Variants in MIR17HG observed in about 807,000 individuals in gnomAD.
MIR17HG encodes the protein MIR17 host gene (non-protein coding).
At chr13:91,350,231 A>G (rs1875226371) in intron 3 of MIR17HG, 1 of 202,392 alleles carries the variant, frequency 4.9e-6, no homozygotes, top group Non-Finnish European at 1.0e-5. Context: ...TAAAAGGTAC[A>G]CATGGACTAA....
chr13:91,351,347 G>T, intron 3 of MIR17HG: 3 of 531,326 alleles, frequency 5.6e-6, no homozygotes, highest in Non-Finnish European at 1.2e-5. Context: ...TTGCAATGCT[G>T]TGTTTCTGTA....
rs1413556915 is a variant in MIR17HG at position 91,353,053 on chromosome 13, T to A, written n.285-880T>A. On this transcript the variant is annotated intron_variant and non_coding_transcript_variant, in intron 3 of 3. Transcript: ENST00000400282. The stretch of plus-strand genomic sequence containing the variant: ...TGAACCTGGGAGGTGGAGGTTTCAG[T>A]GAGCTGAGATCCTGCCACTGCACTC... 2.2e-5 allele frequency among the ~76,000 whole-genome samples: 3 copies of A among 135,624 alleles called. No individual in the cohort carries two copies. The East Asian group carries it at 6.4e-4, about 29-fold the overall frequency. 89.0% of individuals were successfully genotyped at this position (135,624 alleles called of 152,430 possible). A position where few individuals can be genotyped will look rare whatever the true frequency, so the allele number is the denominator to read the frequency against.
intron 3 of MIR17HG, among the ~76,000 whole-genome samples, chr13:91,352,832 G>A (rs915395901): frequency 1.3e-5 from 2 of 152,124 alleles, no homozygotes; most frequent in Admixed American, 6.5e-5. Flanking sequence ...GTTCCGGCTG[G>A]ACACGGTGGC....
intron 1 of MIR17HG, among the ~76,000 whole-genome samples, chr13:91,348,632 G>A (rs1875093329): frequency 6.6e-6 from 1 of 150,934 alleles, no homozygotes. Flanking sequence ...CCTCGGGGCG[G>A]GGCCCGCAAC....
intron 3 of MIR17HG, among the ~76,000 whole-genome samples, chr13:91,353,672 C>T (rs1875436361): frequency 6.6e-6 from 1 of 152,102 alleles, no homozygotes; most frequent in South Asian, 2.1e-4. Context: ...AACTTTGACC[C>T]TTGTTCTTAA....
chr13:91,352,527 A>G (rs1319361178), intron 3 of MIR17HG: 1 of 152,250 alleles, frequency 6.6e-6, no homozygotes, highest in African/African-American at 2.4e-5. Flanking sequence ...TAAATCTAGA[A>G]ATCAGCTTTT....
exon 4 of MIR17HG, chr13:91,354,547 C>A (rs551332164): frequency 6.6e-6 from 1 of 151,938 alleles, no homozygotes; most frequent in African/African-American, 2.4e-5. Context: ...TTGTCCAGAA[C>A]GAGAATATTG....
chr13:91,348,681 T>G (rs1297659903), intron 1 of MIR17HG, among the ~76,000 whole-genome samples: 2 of 150,516 alleles, frequency 1.3e-5, no homozygotes, highest in African/African-American at 4.9e-5. Context: ...GCAGTCGGCC[T>G]CAGCCGCGGC....
chr13:91,349,051 G>C (rs1223055428), intron 1 of MIR17HG, among the ~76,000 whole-genome samples: 2 of 151,712 alleles, frequency 1.3e-5, no homozygotes, highest in African/African-American at 4.8e-5. Context: ...CGTCCGGCGG[G>C]GCCTGACTCT....
exon 4 of MIR17HG, chr13:91,354,178 T>C (rs1189645454): frequency 6.6e-6 from 1 of 152,190 alleles, no homozygotes; most frequent in Non-Finnish European, 1.5e-5. Flanking sequence ...AGAGCCAGTT[T>C]TTAGTGTTTG....
At position 91,351,233 on chromosome 13, in the gene MIR17HG, G is replaced by T. The variant is rs1300756441; in HGVS notation, n.284+1007G>T. ...GTTTTGCAGGTTTGCATCCAGCTGT[G>T]TGATATTCTGCTGTGCAAATCCATG... is the stretch of plus-strand genomic sequence containing the variant. On this transcript the variant is annotated intron_variant and non_coding_transcript_variant, in intron 3 of 3. Coordinates refer to ENST00000400282, the Ensembl canonical transcript of MIR17HG. 3 of 530,666 alleles carry T rather than the reference G, an allele frequency of 5.7e-6. No individual in the cohort carries two copies. The East Asian group carries it at 1.6e-4, about 29-fold the overall frequency. 32.9% of individuals were successfully genotyped at this position (530,666 alleles called of 1,614,324 possible). A position where few individuals can be genotyped will look rare whatever the true frequency, so the allele number is the denominator to read the frequency against.
chr13:91,348,254 C>T (rs893813554), intron 1 of MIR17HG, among the ~76,000 whole-genome samples: 24 of 149,814 alleles, frequency 1.6e-4, no homozygotes, highest in Non-Finnish European at 3.4e-4. Context: ...CTGGGCCGAC[C>T]CGAAGGCGGG....
At position 91,350,564 on chromosome 13, in the gene MIR17HG, A is replaced by T. The variant is rs370993131; in HGVS notation, n.284+338A>T. 43 of 533,114 alleles carry T rather than the reference A, an allele frequency of 8.1e-5. No homozygotes were observed. The African/African-American group carries it at 8.3e-4, about 10-fold the overall frequency. 33.0% of individuals were successfully genotyped at this position (533,114 alleles called of 1,614,324 possible). A position where few individuals can be genotyped will look rare whatever the true frequency, so the allele number is the denominator to read the frequency against. On this transcript the variant is annotated intron_variant and non_coding_transcript_variant, in intron 3 of 3. Coordinates refer to ENST00000400282, the Ensembl canonical transcript of MIR17HG. ...ATTATCTATTTCAAATTTAGCAGGA[A>T]AAAAGAGAACATCACCTTGTAAAAC...
rs1481291333 is a variant in MIR17HG at position 91,348,644 on chromosome 13, TC to T, written n.140+689del. The stretch of plus-strand genomic sequence containing the variant: ...CAGCCTCGGGGCGGGGCCCGCAACT[TC>T]CCCGCCGTGGCCCTCGGAGGAGGCC... On this transcript the variant is annotated intron_variant and non_coding_transcript_variant, in intron 1 of 3. Transcript: ENST00000400282. 6.0e-5 allele frequency among the ~76,000 whole-genome samples: 9 copies of T among 150,486 alleles called. No individual in the cohort carries two copies. The South Asian group carries it at 1.7e-3, about 28-fold the overall frequency.
intron 3 of MIR17HG, chr13:91,350,303 T>G (rs1178290245): frequency 4.9e-6 from 1 of 203,286 alleles, no homozygotes; most frequent in Non-Finnish European, 1.0e-5. Flanking sequence ...TGTTTTGTTT[T>G]TTTTCTCTAT....
At chr13:91,348,740 GCCAGC>G (rs1201881152) in intron 1 of MIR17HG, among the ~76,000 whole-genome samples, 1 of 150,506 alleles carries the variant, frequency 6.6e-6, no homozygotes, top group Non-Finnish European at 1.5e-5. Context: ...GCGCGGGAGG[GCCAGC>G]CCGGCTCGGC....
At chr13:91,351,869 G>A (rs564362522) in intron 3 of MIR17HG, 2 of 158,028 alleles carry the variant, frequency 1.3e-5, no homozygotes, top group East Asian at 3.5e-4. Context: ...TTTCTATTAA[G>A]CAAGTACCAG....
rs144698577 is a variant in MIR17HG at position 91,349,860 on chromosome 13, G to A, written n.213+90G>A. On this transcript the variant is annotated intron_variant and non_coding_transcript_variant, in intron 2 of 3. Transcript: ENST00000400282. Reference sequence around the variant, plus strand: ...ATAAATAGGATTGGTTTCTTAGAGAGTAAAAGTAGGTGTTTCTTTCTTTAG... The same window carrying A: ...ATAAATAGGATTGGTTTCTTAGAGAATAAAAGTAGGTGTTTCTTTCTTTAG... 4.2e-3 allele frequency: 646 copies of A among 152,294 alleles called. 4 individuals are homozygous for A. The highest frequency in any genetic ancestry group is 0.015 in the African/African-American group (630 of 41,552). The allele number at this position is 152,294 out of a possible 1,614,324, so 9.4% of individuals were successfully genotyped here.
Position 91,352,979 on chromosome 13 carries a change from G to A in MIR17HG, n.285-954G>A, listed in dbSNP as rs570601214. ...TAAAAAATTAGCCGGGTGCAGTGGC[G>A]TGCACCTGTAATCCCAGCTACTCTG... is the stretch of plus-strand genomic sequence containing the variant. On this transcript the variant is annotated intron_variant and non_coding_transcript_variant, in intron 3 of 3. Coordinates refer to ENST00000400282, the Ensembl canonical transcript of MIR17HG. Among the ~76,000 whole-genome samples the A allele has an allele frequency of 5.9e-5, 9 of 151,790 alleles. No homozygotes were observed. The East Asian group carries it at 9.7e-4, about 16-fold the overall frequency.
Sources: allele counts gnomAD v4.1 joint callset (sites outside exome capture counted in the v4.1 genomes callset), GRCh38; gene constraint gnomAD v4.1.1; transcripts MANE v1.5; gene names NCBI Gene and HGNC (gene_info 2026-07-23, HGNC 2026-07-21).